The following NFIC variants were observed in gnomAD, a reference collection of about 807,000 sequenced individuals.
The protein encoded by NFIC is nuclear factor I C.
Under a neutral mutation model 54.4 loss-of-function variants are expected in NFIC, and 12 were observed. The ratio of observed to expected loss-of-function variants is 0.22; its 90% CI spans 0.14 to 0.36. The LOEUF (loss-of-function observed/expected upper bound fraction) is 0.36, where lower values mean the gene tolerates loss of function less well. Ranked by LOEUF, NFIC falls within the 10% of genes least tolerant of loss-of-function variation. The pLI is 1.00. For missense variants in NFIC, 575 were observed against 718.2 expected (o/e 0.80, Z 2.28); for synonymous variants, 322 against 319.2 (o/e 1.01, Z -0.09).
At chr19:3,409,823 G>A (rs1321609556) in intron 2 of NFIC, among the ~76,000 whole-genome samples, 1 of 152,228 alleles carries the variant, frequency 6.6e-6, no homozygotes, top group East Asian at 1.9e-4. Context: ...AAGGCTACAG[G>A]GTCCAGTGAC....
At chr19:3,423,855 G>T (rs2081989198) in intron 2 of NFIC, among the ~76,000 whole-genome samples, 1 of 152,022 alleles carries the variant, frequency 6.6e-6, no homozygotes, top group Non-Finnish European at 1.5e-5. Flanking sequence ...CGGGTCCCTG[G>T]GACTACAGGG....
In NFIC at chr19:3,459,404, C is replaced by A. The variant is rs1310120509; in HGVS notation, c.1509+2769C>A. On this transcript the variant is annotated intron_variant, in intron 10 of 10. Coordinates refer to ENST00000443272, the MANE Select transcript of NFIC (RefSeq NM_001245002.2). This position sits in a 1 kb window ranked among gnomAD's most constrained non-coding sequence, Gnocchi z 4.2. ...CCCCTCCCCTCTGTGATGTCCTTCA[C>A]GCCCCTACATTTCTCCTGCACGGGA... Among the ~76,000 whole-genome samples, 1 of 152,146 alleles carries A rather than the reference C, an allele frequency of 6.6e-6. No individual in the cohort carries two copies. The highest frequency in any genetic ancestry group is 2.4e-5 in the African/African-American group (1 of 41,430).
In NFIC at chr19:3,452,304, G is replaced by C. The variant is rs1568195922; in HGVS notation, c.1085-178G>C. 6.6e-6 allele frequency among the ~76,000 whole-genome samples: 1 copy of C among 152,050 alleles called. No homozygotes were observed. The highest frequency in any genetic ancestry group is 1.5e-5 in the Non-Finnish European group (1 of 68,004). ...ATCACAGCCCCAGTGGGGTTGCCGTGGGAGTCGGGGAATTTGGGTGTCAAT... is the reference window on the plus strand; with the variant it reads ...ATCACAGCCCCAGTGGGGTTGCCGTCGGAGTCGGGGAATTTGGGTGTCAAT... On this transcript the variant is annotated intron_variant, in intron 7 of 10. Coordinates refer to ENST00000443272, the MANE Select transcript of NFIC (RefSeq NM_001245002.2). The surrounding 1 kb of genome is among the most constrained non-coding windows in gnomAD (Gnocchi z 5.3).
At chr19:3,450,269 C>T (rs183843269) in intron 7 of NFIC, among the ~76,000 whole-genome samples, 3,817 of 151,600 alleles carry the variant, frequency 0.025, 64 homozygotes, top group African/African-American at 0.03. Context: ...GGCGTGAACC[C>T]GGGAGGCGGA....
intron 6 of NFIC, among the ~76,000 whole-genome samples, chr19:3,435,953 A>G (rs940399411): frequency 7.9e-5 from 12 of 151,852 alleles, no homozygotes; most frequent in Admixed American, 6.6e-5. Context: ...CAGCCTCCCA[A>G]GTAACTGGGA....
Position 3,464,080 on chromosome 19 carries a change from C to A in NFIC, c.*1311C>A. The A allele has an allele frequency of 2.0e-6, 2 of 985,386 alleles. No individual in the cohort carries two copies. Among genetic ancestry groups the A allele is most frequent in the Non-Finnish European group, 2.4e-6 (2 of 829,906 alleles). The allele number at this position is 985,386 out of a possible 1,614,324, so 61.0% of individuals were successfully genotyped here. ...GGCTCTGGGGAAGCCGGTGCGCCCC[C>A]CACGCCTCCGCTGCCAGTGCCTTAC... On this transcript the variant is annotated 3_prime_UTR_variant, in exon 11 of 11. Transcript: ENST00000443272.
intron 2 of NFIC, among the ~76,000 whole-genome samples, 157 bp downstream of exon 2, chr19:3,382,400 G>A (rs974062027): frequency 4.0e-5 from 6 of 151,734 alleles, no homozygotes; most frequent in East Asian, 3.9e-4. Context: ...CAATGGGGGC[G>A]ACACGGGGCA....
At chr19:3,382,970 C>T (rs919574738) in intron 2 of NFIC, among the ~76,000 whole-genome samples, 4 of 150,656 alleles carry the variant, frequency 2.7e-5, no homozygotes, top group Non-Finnish European at 4.4e-5. Flanking sequence ...TGGGCTGTGG[C>T]GCTCCAATGG....
chr19:3,366,895 C>T (rs1014345383), intron 1 of NFIC, among the ~76,000 whole-genome samples: 2 of 151,966 alleles, frequency 1.3e-5, no homozygotes, highest in Non-Finnish European at 2.9e-5. Context: ...GACTCCCGCC[C>T]AGCACCCCCA....
intron 6 of NFIC, among the ~76,000 whole-genome samples, chr19:3,447,832 G>A (rs374592356): frequency 6.6e-6 from 1 of 152,232 alleles, no homozygotes; most frequent in Non-Finnish European, 1.5e-5. Flanking sequence ...GTGCCTGGAG[G>A]GGGAGGGAAG....
At chr19:3,373,537 T>G (rs1365205520) in intron 1 of NFIC, among the ~76,000 whole-genome samples, 1 of 151,104 alleles carries the variant, frequency 6.6e-6, no homozygotes, top group African/African-American at 2.4e-5. Flanking sequence ...GACCCATTTC[T>G]CCATCAGAAA....
chr19:3,421,317 C>T (rs1045942117), intron 2 of NFIC, among the ~76,000 whole-genome samples: 3 of 152,240 alleles, frequency 2.0e-5, no homozygotes, highest in African/African-American at 4.8e-5. Context: ...GCTCTGGTTC[C>T]GGAAGAGGGT....
upstream of NFIC, among the ~76,000 whole-genome samples, chr19:3,364,480 T>G (rs1375928086): frequency 2.0e-5 from 3 of 151,738 alleles, no homozygotes; most frequent in Non-Finnish European, 4.4e-5. Flanking sequence ...GCTGCGGGGG[T>G]CCCTTGCCAC....
rs527643888 is a variant in NFIC, at chr19:3,396,953, TCAAA to T, written c.562+14727_562+14730del. On this transcript the variant is annotated intron_variant, in intron 2 of 10. Transcript: ENST00000443272. ...CCTGGTGACAGAGTGAGACTCCATC[TCAAA>T]CAAACAAACAAACAAAAAAGCAGTG... 2.7e-3 allele frequency among the ~76,000 whole-genome samples: 418 copies of T among 152,006 alleles called. 1 individual carries two copies. Among genetic ancestry groups the T allele is most frequent in the African/African-American group, 8.0e-3 (333 of 41,446 alleles).
chr19:3,361,778 C>G (rs1040749708), upstream of NFIC, among the ~76,000 whole-genome samples: 1 of 152,138 alleles, frequency 6.6e-6, no homozygotes, highest in African/African-American at 2.4e-5. Flanking sequence ...GCCTTCAGCA[C>G]ACGGCATGGC....
At chr19:3,431,132 A>G (rs1389175502) in intron 3 of NFIC, among the ~76,000 whole-genome samples, 1 of 151,480 alleles carries the variant, frequency 6.6e-6, no homozygotes, top group African/African-American at 2.4e-5. Context: ...GCTGGAGTGC[A>G]ATGTCGCGAT....
chr19:3,446,096 A>G (rs1340750302), intron 6 of NFIC, among the ~76,000 whole-genome samples: 2 of 152,106 alleles, frequency 1.3e-5, no homozygotes, highest in Non-Finnish European at 2.9e-5. Context: ...ATTATTTGGA[A>G]AATATTGAGT....
intron 2 of NFIC, 48 bp from the exon 3 acceptor site, chr19:3,425,058 G>C (rs780001232): frequency 1.3e-6 from 2 of 1,598,720 alleles, no homozygotes; most frequent in East Asian, 4.5e-5. Flanking sequence ...TCTGCTCCTG[G>C]GGTGGGGTCT....
At chr19:3,384,234 A>G (rs2081257747) in intron 2 of NFIC, among the ~76,000 whole-genome samples, 1 of 150,202 alleles carries the variant, frequency 6.7e-6, no homozygotes, top group South Asian at 2.1e-4. Context: ...TTTTATATAT[A>G]TATATATTTT....
Sources: gnomAD v4.1 joint callset for allele counts (sites outside exome capture counted in the v4.1 genomes callset) on GRCh38, gnomAD v4.1.1 for gene constraint, Gnocchi (gnomAD v3.1) non-coding constraint, MANE v1.5 for transcripts, NCBI Gene and HGNC (gene_info 2026-07-23, HGNC 2026-07-21) for gene names.